Variants in ITGA9 observed in about 807,000 individuals in gnomAD.
ITGA9 encodes integrin alpha-9.
ITGA9 carries 56 observed loss-of-function variants against 127.8 expected under a neutral mutation model. The ratio of observed to expected loss-of-function variants is 0.44; its 90% CI spans 0.35 to 0.55. The LOEUF (loss-of-function observed/expected upper bound fraction) is 0.55, where lower values mean the gene tolerates loss of function less well. ITGA9 is among the 20% of genes least tolerant of loss of function. The pLI is 0.00. For missense variants in ITGA9, 1,196 were observed against 1,347.1 expected (o/e 0.89, Z 1.76); for synonymous variants, 508 against 514.5 (o/e 0.99, Z 0.17).
intron 18 of ITGA9, among the ~76,000 whole-genome samples, chr3:37,697,414 C>T (rs1327699585): frequency 2.0e-5 from 3 of 151,602 alleles, no homozygotes; most frequent in Non-Finnish European, 4.4e-5. Flanking sequence ...TATACATGTG[C>T]CATGTTGGTT....
intron 15 of ITGA9, among the ~76,000 whole-genome samples, chr3:37,569,560 C>T (rs1203684227): frequency 1.3e-5 from 2 of 152,186 alleles, no homozygotes; most frequent in Admixed American, 6.5e-5. Flanking sequence ...GAGCATGAAG[C>T]TGAATTAGAC....
rs114129792 is a variant in ITGA9 at position 37,629,261 on chromosome 3, G to A, written c.1764G>A (p.Glu588=). Residue 588 remains glutamate, a synonymous_variant, in exon 16 of 28, where the codon GAG becomes GAA. Coordinates refer to ENST00000264741, the MANE Select transcript of ITGA9 (RefSeq NM_002207.3). The surrounding 1 kb of genome is among the most constrained non-coding windows in gnomAD (Gnocchi z 4.5). Reference sequence around the variant, plus strand: ...GCCTCAGTGAGCATGTGACTGGAGAGGAGGAGAGGGAACTGCCGCCTCTGA... The same window carrying A: ...GCCTCAGTGAGCATGTGACTGGAGAAGAGGAGAGGGAACTGCCGCCTCTGA... ...AYSLSEHVTG[E]EERELPPLTP... 5,146 of 1,614,030 alleles carry A rather than the reference G, an allele frequency of 3.2e-3. 13 individuals carry two copies. The highest frequency in any genetic ancestry group is 3.9e-3 in the Non-Finnish European group (4,560 of 1,180,012).
chr3:37,718,937 C>T (rs972503151), intron 18 of ITGA9, among the ~76,000 whole-genome samples: 3 of 152,192 alleles, frequency 2.0e-5, no homozygotes, highest in African/African-American at 7.2e-5. Flanking sequence ...GTCTTCTATG[C>T]AGTGATCAGC....
At chr3:37,518,030 T>C (rs1699004354) in intron 10 of ITGA9, among the ~76,000 whole-genome samples, 1 of 151,876 alleles carries the variant, frequency 6.6e-6, no homozygotes, top group African/African-American at 2.4e-5. Flanking sequence ...AGGAGAGAAT[T>C]AGAAACCCAG....
chr3:37,810,134 G>A (rs1697349097), intron 27 of ITGA9, among the ~76,000 whole-genome samples: 1 of 152,176 alleles, frequency 6.6e-6, no homozygotes, highest in African/African-American at 2.4e-5. Flanking sequence ...GTAGCTCTTG[G>A]CATTGCTACC....
chr3:37,678,745 G>A (rs766480031), intron 17 of ITGA9, among the ~76,000 whole-genome samples: 18 of 152,166 alleles, frequency 1.2e-4, no homozygotes, highest in Non-Finnish European at 2.5e-4. Flanking sequence ...GATAGAAGAG[G>A]AAATTTTTGC....
At chr3:37,689,241 C>T (rs1700808809) in intron 18 of ITGA9, among the ~76,000 whole-genome samples, 1 of 152,212 alleles carries the variant, frequency 6.6e-6, no homozygotes, top group Non-Finnish European at 1.5e-5. Flanking sequence ...TCTTCTAATG[C>T]AAAACTACTT....
chr3:37,800,561 G>C (rs1697225370), intron 26 of ITGA9, among the ~76,000 whole-genome samples: 2 of 152,210 alleles, frequency 1.3e-5, no homozygotes, highest in Non-Finnish European at 2.9e-5. Flanking sequence ...GGAACCCAAA[G>C]ACATGAGTCT....
At chr3:37,453,799 G>C (rs992512736) in intron 1 of ITGA9, among the ~76,000 whole-genome samples, 1 of 152,106 alleles carries the variant, frequency 6.6e-6, no homozygotes, top group East Asian at 1.9e-4. Flanking sequence ...CCTGGAAAAG[G>C]GGACTCTGAG....
chr3:37,725,237 C>G (rs1051913275), intron 18 of ITGA9, among the ~76,000 whole-genome samples: 2 of 152,170 alleles, frequency 1.3e-5, no homozygotes, highest in Non-Finnish European at 2.9e-5. Flanking sequence ...TTCCTTGATT[C>G]AAGAGTACCA....
chr3:37,600,199 C>G (rs890738571), intron 15 of ITGA9, among the ~76,000 whole-genome samples: 1 of 152,142 alleles, frequency 6.6e-6, no homozygotes, highest in Admixed American at 6.5e-5. Flanking sequence ...AAAATAAGCA[C>G]TTATTGTATA....
chr3:37,506,183 T>G, intron 7 of ITGA9, 98 bp downstream of exon 7: 1 of 894,456 alleles, frequency 1.1e-6, no homozygotes, highest in Non-Finnish European at 1.8e-6. Flanking sequence ...GACCTGAACA[T>G]TCTACTGGGT....
chr3:37,493,455 G>T (rs183222982), intron 4 of ITGA9, among the ~76,000 whole-genome samples: 3 of 152,340 alleles, frequency 2.0e-5, no homozygotes, highest in East Asian at 1.9e-4. Flanking sequence ...AGCAATGTCA[G>T]CCTCACATGT....
chr3:37,764,738 T>C (rs997536042), intron 23 of ITGA9, among the ~76,000 whole-genome samples: 1 of 152,212 alleles, frequency 6.6e-6, no homozygotes, highest in Non-Finnish European at 1.5e-5. Context: ...ATATGTCCTC[T>C]CTGTCAAGGC....
At chr3:37,571,811 C>G (rs1699604928) in intron 15 of ITGA9, among the ~76,000 whole-genome samples, 1 of 151,938 alleles carries the variant, frequency 6.6e-6, no homozygotes, top group Non-Finnish European at 1.5e-5. Context: ...GGCAGGGGAG[C>G]ATGGAAGGGA....
intron 15 of ITGA9, among the ~76,000 whole-genome samples, chr3:37,614,654 G>C (rs1359530215): frequency 1.3e-5 from 2 of 152,102 alleles, no homozygotes; most frequent in Non-Finnish European, 2.9e-5. Context: ...GCAGTGGTTT[G>C]TAGTTCTCCT....
At chr3:37,644,087 G>C (rs1700356116) in intron 16 of ITGA9, among the ~76,000 whole-genome samples, 1 of 152,182 alleles carries the variant, frequency 6.6e-6, no homozygotes, top group African/African-American at 2.4e-5. Context: ...GGGTGCAAAA[G>C]TCCCTAGAAG....
intron 15 of ITGA9, among the ~76,000 whole-genome samples, chr3:37,562,521 T>G (rs9825420): frequency 0.17 from 26,555 of 152,172 alleles, 3,170 homozygotes; most frequent in African/African-American, 0.34. Context: ...AACCCTTGTT[T>G]TGCTCCTCAT....
intron 26 of ITGA9, among the ~76,000 whole-genome samples, chr3:37,793,325 C>T (rs1477377034): frequency 6.6e-6 from 1 of 151,228 alleles, no homozygotes; most frequent in African/African-American, 2.4e-5. Flanking sequence ...GCTAGTTATA[C>T]CCCCAGTAAC....
Sources: allele counts gnomAD v4.1 joint callset (sites outside exome capture counted in the v4.1 genomes callset), GRCh38; gene constraint gnomAD v4.1.1; non-coding constraint Gnocchi (gnomAD v3.1); transcripts MANE v1.5; gene names NCBI Gene and HGNC (gene_info 2026-07-23, HGNC 2026-07-21).